SHISA6: variants seen among roughly 807,000 people sequenced by gnomAD.
The protein encoded by SHISA6 is shisa family member 6.
A neutral mutation model predicts 47.9 loss-of-function variants in SHISA6; 22 were observed. The ratio of observed to expected loss-of-function variants is 0.46; its 90% CI spans 0.33 to 0.66. SHISA6 has a LOEUF of 0.66. Among genes scored for constraint, SHISA6 ranks in the 30% least tolerant of loss-of-function variants. The probability of loss-of-function intolerance (pLI) is 0.02; values close to 1 mark genes in which losing one functional copy is unlikely to be tolerated. For synonymous variants in SHISA6, 388 were observed against 337.8 expected, an observed-to-expected ratio of 1.15 and a Z score of -1.63; for missense variants, 680 against 764.6, an observed-to-expected ratio of 0.89 and a Z score of 1.30.
intron 3 of SHISA6, among the ~76,000 whole-genome samples, chr17:11,462,530 G>T (rs1388079576): frequency 6.6e-6 from 1 of 152,144 alleles, no homozygotes; most frequent in Non-Finnish European, 1.5e-5. Context: ...CATCAATATG[G>T]AGTGTTGGGC....
intron 3 of SHISA6, among the ~76,000 whole-genome samples, chr17:11,536,104 T>C (rs1331617156): frequency 6.6e-6 from 1 of 152,160 alleles, no homozygotes; most frequent in Non-Finnish European, 1.5e-5. Context: ...GTGTGGATTC[T>C]TGGGCCAGGC....
intron 5 of SHISA6, among the ~76,000 whole-genome samples, chr17:11,557,512 C>A (rs1014056314): frequency 6.6e-6 from 1 of 152,200 alleles, no homozygotes; most frequent in Non-Finnish European, 1.5e-5. Context: ...AACTCTTGGG[C>A]CCACCCCAGA....
intron 3 of SHISA6, among the ~76,000 whole-genome samples, chr17:11,485,687 T>C (rs900893216): frequency 1.3e-5 from 2 of 151,530 alleles, no homozygotes; most frequent in East Asian, 1.9e-4. Flanking sequence ...GCCCCATTCC[T>C]AAGGGAAGAC....
At chr17:11,522,597 G>A (rs1278200728) in intron 3 of SHISA6, among the ~76,000 whole-genome samples, 1 of 152,160 alleles carries the variant, frequency 6.6e-6, no homozygotes, top group Admixed American at 6.5e-5. Context: ...ATGTGCCTAT[G>A]TTCATCTCCT....
rs1376955925 is a variant in SHISA6, at chr17:11,241,402, G to A, written c.-21G>A. The A allele has an allele frequency of 1.6e-5, 18 of 1,104,408 alleles. No individual in the cohort carries two copies. The highest frequency in any genetic ancestry group is 2.0e-5 in the Non-Finnish European group (18 of 903,586). 68.4% of individuals were successfully genotyped at this position (1,104,408 alleles called of 1,614,324 possible). The stretch of plus-strand genomic sequence containing the variant: ...CGGCCTGCCGCGGAAGCCTCCCCGC[G>A]CCCTCCCGCCCGGCCCCGCCATGGC... On this transcript the variant is annotated 5_prime_UTR_variant, in exon 1 of 6. Coordinates refer to ENST00000441885, the MANE Select transcript of SHISA6 (RefSeq NM_207386.4). This position sits in a 1 kb window ranked among gnomAD's most constrained non-coding sequence, Gnocchi z 5.5.
At chr17:11,335,437 A>G (rs150871550) in intron 2 of SHISA6, among the ~76,000 whole-genome samples, 4 of 152,292 alleles carry the variant, frequency 2.6e-5, no homozygotes, top group African/African-American at 9.6e-5. Flanking sequence ...AGGTGATCTC[A>G]AGGCCCAAGG....
chr17:11,299,491 A>G (rs777769360), intron 2 of SHISA6, among the ~76,000 whole-genome samples: 1 of 152,226 alleles, frequency 6.6e-6, no homozygotes, highest in African/African-American at 2.4e-5. Flanking sequence ...TGATTAAAAC[A>G]ACACACATTT....
At chr17:11,424,322 G>A (rs1914543764) in intron 3 of SHISA6, among the ~76,000 whole-genome samples, 1 of 152,152 alleles carries the variant, frequency 6.6e-6, no homozygotes, top group Admixed American at 6.5e-5. Context: ...ATGCTGTGAT[G>A]AGGCAAAATT....
intron 2 of SHISA6, among the ~76,000 whole-genome samples, chr17:11,349,845 G>C (rs1911813325): frequency 6.6e-6 from 1 of 152,164 alleles, no homozygotes; most frequent in Admixed American, 6.6e-5. Context: ...GAATCACGTG[G>C]AGAGTCAAAA....
chr17:11,383,935 C>T (rs1030831357), intron 3 of SHISA6, among the ~76,000 whole-genome samples: 19 of 152,286 alleles, frequency 1.2e-4, no homozygotes, highest in African/African-American at 4.6e-4. Flanking sequence ...AAAGAGTCCT[C>T]CCAGGCTGCC....
intron 3 of SHISA6, among the ~76,000 whole-genome samples, chr17:11,433,246 C>A (rs34868592): frequency 6.6e-6 from 1 of 152,192 alleles, no homozygotes; most frequent in East Asian, 1.9e-4. Flanking sequence ...CCCCACCCAC[C>A]GACAGGCCCC....
At chr17:11,271,533 G>T (rs1170659096) in intron 2 of SHISA6, among the ~76,000 whole-genome samples, 2 of 151,122 alleles carry the variant, frequency 1.3e-5, no homozygotes, top group African/African-American at 4.9e-5. Context: ...TGCCTCCCAG[G>T]TTCAAGCGGT....
chr17:11,480,788 T>C (rs1275724070), intron 3 of SHISA6, among the ~76,000 whole-genome samples: 1 of 152,130 alleles, frequency 6.6e-6, no homozygotes, highest in East Asian at 1.9e-4. Flanking sequence ...ATGATCTGAA[T>C]AGGGGACACC....
At chr17:11,350,371 G>A (rs561802994) in intron 2 of SHISA6, among the ~76,000 whole-genome samples, 18 of 144,940 alleles carry the variant, frequency 1.2e-4, no homozygotes, top group African/African-American at 2.3e-4. Flanking sequence ...TAGTAGAGAC[G>A]GGGTTTCACC....
chr17:11,518,460 C>A (rs2071602937), intron 3 of SHISA6, among the ~76,000 whole-genome samples: 2 of 152,088 alleles, frequency 1.3e-5, no homozygotes, highest in Admixed American at 1.3e-4. Flanking sequence ...CACACACACA[C>A]AAACACATAC....
intron 3 of SHISA6, among the ~76,000 whole-genome samples, chr17:11,543,692 T>C (rs2071853469): frequency 1.3e-5 from 2 of 152,058 alleles, no homozygotes; most frequent in South Asian, 4.1e-4. Flanking sequence ...AGGATAAGTC[T>C]ACTCAATTTC....
At chr17:11,494,318 A>C (rs2071390693) in intron 3 of SHISA6, among the ~76,000 whole-genome samples, 1 of 151,998 alleles carries the variant, frequency 6.6e-6, no homozygotes, top group Non-Finnish European at 1.5e-5. Context: ...CTTGGCCCAG[A>C]CCTCTTCCCA....
intron 3 of SHISA6, among the ~76,000 whole-genome samples, chr17:11,472,428 G>A (rs1315034592): frequency 6.6e-6 from 1 of 152,080 alleles, no homozygotes; most frequent in Non-Finnish European, 1.5e-5. Context: ...GGAACCCTTG[G>A]CCTCAAGTGA....
chr17:11,537,708 C>T (rs1465339), intron 3 of SHISA6, among the ~76,000 whole-genome samples: 9,254 of 152,200 alleles, frequency 0.061, 365 homozygotes, highest in Middle Eastern at 0.092. Context: ...TCTGCTACCT[C>T]AAGAGTTGAT....
Sources: allele counts gnomAD v4.1 joint callset (sites outside exome capture counted in the v4.1 genomes callset), GRCh38; gene constraint gnomAD v4.1.1; non-coding constraint Gnocchi (gnomAD v3.1); transcripts MANE v1.5; gene names NCBI Gene and HGNC (gene_info 2026-07-23, HGNC 2026-07-21).